ZCCHC7: variants seen among roughly 807,000 people sequenced by gnomAD.
ZCCHC7 encodes zinc finger CCHC-type containing 7, also known as zinc finger CCHC domain-containing protein 7.
In ZCCHC7, 35 loss-of-function variants were observed where a neutral mutation model predicts 52.0. That is an observed-to-expected ratio of 0.67 (90% CI 0.51 to 0.89). The LOEUF is 0.89. Ranked by LOEUF, ZCCHC7 falls within the 40% of genes least tolerant of loss-of-function variation. The probability of loss-of-function intolerance (pLI) is 0.00; values close to 1 mark genes in which losing one functional copy is unlikely to be tolerated. For synonymous variants in ZCCHC7, 217 were observed against 221.5 expected, an observed-to-expected ratio of 0.98 and a Z score of 0.18; for missense variants, 574 against 649.1, an observed-to-expected ratio of 0.88 and a Z score of 1.26.
chr9:37,140,333 A>C (rs752355187), intron 2 of ZCCHC7, among the ~76,000 whole-genome samples: 3 of 152,018 alleles, frequency 2.0e-5, no homozygotes, highest in Non-Finnish European at 2.9e-5. Context: ...TTTGCTCTTC[A>C]TTCAACACCT....
intron 2 of ZCCHC7, among the ~76,000 whole-genome samples, chr9:37,216,886 T>G (rs1417949746): frequency 6.6e-6 from 1 of 152,094 alleles, no homozygotes; most frequent in Non-Finnish European, 1.5e-5. Flanking sequence ...CTTAAGTAGT[T>G]TTGACTCTGT....
At chr9:37,340,968 G>C (rs922102616) in intron 6 of ZCCHC7, among the ~76,000 whole-genome samples, 1 of 152,092 alleles carries the variant, frequency 6.6e-6, no homozygotes, top group Non-Finnish European at 1.5e-5. Context: ...AGTAATAATG[G>C]AAGTTTTTAA....
At chr9:37,352,036 G>A (rs752467648) in intron 7 of ZCCHC7, among the ~76,000 whole-genome samples, 13 of 152,310 alleles carry the variant, frequency 8.5e-5, no homozygotes, top group Non-Finnish European at 1.6e-4. Flanking sequence ...ATCCAGAATA[G>A]TAGATAAATT....
chr9:37,130,743 G>A (rs1393135209), intron 2 of ZCCHC7, among the ~76,000 whole-genome samples: 3 of 151,606 alleles, frequency 2.0e-5, no homozygotes, highest in Non-Finnish European at 4.4e-5. Flanking sequence ...TGATCCGCCT[G>A]CCTCGGCCTC....
intron 7 of ZCCHC7, among the ~76,000 whole-genome samples, chr9:37,349,890 C>T (rs1245874316): frequency 1.3e-5 from 2 of 151,918 alleles, no homozygotes; most frequent in Admixed American, 6.6e-5. Context: ...CGGGTTCAAG[C>T]GATTCTTCTG....
chr9:37,131,077 AC>A (rs1434248636), intron 2 of ZCCHC7, among the ~76,000 whole-genome samples: 1 of 151,912 alleles, frequency 6.6e-6, no homozygotes, highest in African/African-American at 2.4e-5. Context: ...CTGGTGGCTC[AC>A]GCCTGTAATC....
At chr9:37,133,624 T>G (rs796537674) in intron 2 of ZCCHC7, among the ~76,000 whole-genome samples, 11 of 152,348 alleles carry the variant, frequency 7.2e-5, no homozygotes, top group African/African-American at 2.4e-4. Context: ...AGTCTCGCTG[T>G]GTCACCCAGC....
intron 2 of ZCCHC7, among the ~76,000 whole-genome samples, chr9:37,264,584 T>C (rs1202562366): frequency 6.6e-6 from 1 of 152,228 alleles, no homozygotes; most frequent in Non-Finnish European, 1.5e-5. Context: ...CATTAAATTG[T>C]GGCTTCCTAA....
chr9:37,282,200 G>C (rs1827989732), intron 2 of ZCCHC7, among the ~76,000 whole-genome samples: 2 of 152,100 alleles, frequency 1.3e-5, no homozygotes. Context: ...AAATAATTCT[G>C]GTGATGGCTG....
chr9:37,298,422 C>T (rs2133677443), intron 2 of ZCCHC7, among the ~76,000 whole-genome samples: 1 of 152,242 alleles, frequency 6.6e-6, no homozygotes, highest in Middle Eastern at 3.4e-3. Context: ...ATTGTTATAT[C>T]CATACAATGG....
chr9:37,241,078 A>G (rs1000723225), intron 2 of ZCCHC7, among the ~76,000 whole-genome samples: 7 of 151,838 alleles, frequency 4.6e-5, no homozygotes, highest in African/African-American at 1.4e-4. Context: ...CAAAGGATTG[A>G]TATACACAAT....
intron 1 of ZCCHC7, among the ~76,000 whole-genome samples, chr9:37,122,936 C>T (rs1259458223): frequency 6.6e-6 from 1 of 152,098 alleles, no homozygotes; most frequent in African/African-American, 2.4e-5. Flanking sequence ...GACTCCGTCT[C>T]AAGGGGGAAA....
Position 37,171,793 on chromosome 9 carries a change from A to T in ZCCHC7, c.610+44851A>T, listed in dbSNP as rs73646330. Reference sequence around the variant, plus strand: ...AGTTCTACAAACTAGTTACTAATAAAATTCCAAGACCTTAGCTTATAATGA... The same window carrying T: ...AGTTCTACAAACTAGTTACTAATAATATTCCAAGACCTTAGCTTATAATGA... On this transcript the variant is annotated intron_variant, in intron 2 of 8. Transcript: ENST00000336755. Among the ~76,000 whole-genome samples the T allele has an allele frequency of 5.3e-3, 807 of 152,256 alleles. 5 individuals are homozygous for T. The highest frequency in any genetic ancestry group is 0.018 in the African/African-American group (762 of 41,534).
chr9:37,148,475 T>C (rs1425461671), intron 2 of ZCCHC7, among the ~76,000 whole-genome samples: 1 of 152,170 alleles, frequency 6.6e-6, no homozygotes, highest in Non-Finnish European at 1.5e-5. Context: ...TCGGTTTTTC[T>C]TAGACTGAGT....
chr9:37,210,511 G>A (rs187063715), intron 2 of ZCCHC7, among the ~76,000 whole-genome samples: 21 of 152,286 alleles, frequency 1.4e-4, no homozygotes. Context: ...CAGGAGTAGT[G>A]TATAATAATG....
chr9:37,190,166 T>G (rs1453007810), intron 2 of ZCCHC7, among the ~76,000 whole-genome samples: 1 of 152,172 alleles, frequency 6.6e-6, no homozygotes, highest in Admixed American at 6.5e-5. Flanking sequence ...GCTACCCTCT[T>G]GATGATGAAG....
At chr9:37,289,693 T>TA (rs1157708643) in intron 2 of ZCCHC7, among the ~76,000 whole-genome samples, 1 of 152,236 alleles carries the variant, frequency 6.6e-6, no homozygotes, top group African/African-American at 2.4e-5. Context: ...ATATTACTCT[T>TA]ACGAGTTTTT....
At chr9:37,329,046 A>G (rs1830355825) in intron 6 of ZCCHC7, among the ~76,000 whole-genome samples, 2 of 151,908 alleles carry the variant, frequency 1.3e-5, no homozygotes, top group Admixed American at 6.6e-5. Flanking sequence ...TTTTTATCCT[A>G]TCATAATATA....
chr9:37,121,600 G>T (rs1842318973), intron 1 of ZCCHC7: 1 of 152,178 alleles, frequency 6.6e-6, no homozygotes. Context: ...ATGCTTTCAG[G>T]AGAATCTGAG....
Sources: gnomAD v4.1 joint callset for allele counts (sites outside exome capture counted in the v4.1 genomes callset) on GRCh38, gnomAD v4.1.1 for gene constraint, MANE v1.5 for transcripts, NCBI Gene and HGNC (gene_info 2026-07-23, HGNC 2026-07-21) for gene names.